ZNF485: variants seen among roughly 807,000 people sequenced by gnomAD.
The protein encoded by ZNF485 is zinc finger protein 485.
ZNF485 carries 9 observed loss-of-function variants against 10.8 expected under a neutral mutation model. The observed-to-expected ratio is 0.83, with a 90% CI of 0.50 to 1.45. The LOEUF (loss-of-function observed/expected upper bound fraction) is 1.45, where lower values mean the gene tolerates loss of function less well. Ranked by LOEUF, ZNF485 falls within the 40% of genes most tolerant of loss-of-function variation. The probability of loss-of-function intolerance (pLI) is 0.00; values close to 1 mark genes in which losing one functional copy is unlikely to be tolerated. For missense variants in ZNF485, 487 were observed against 528.0 expected, an observed-to-expected ratio of 0.92 and a Z score of 0.76; for synonymous variants, 187 against 181.0, an observed-to-expected ratio of 1.03 and a Z score of -0.27.
At chr10:43,615,096 G>GA (rs1398363243) in intron 4 of ZNF485, among the ~76,000 whole-genome samples, 1 of 152,136 alleles carries the variant, frequency 6.6e-6, no homozygotes, top group African/African-American at 2.4e-5. Context: ...ACATTTCCTT[G>GA]AAAAAATAAG....
chr10:43,612,749 C>G (rs1838788850), intron 4 of ZNF485, among the ~76,000 whole-genome samples: 1 of 152,026 alleles, frequency 6.6e-6, no homozygotes, highest in African/African-American at 2.4e-5. Context: ...TTTCCTATTT[C>G]CCCTTTATTA....
chr10:43,607,110 T>C, intron 2 of ZNF485, 36 bp downstream of exon 2: 1 of 1,550,728 alleles, frequency 6.4e-7, no homozygotes, highest in South Asian at 1.2e-5. Context: ...AGAAACCACG[T>C]GTTTCAGCGA....
Position 43,617,004 on chromosome 10 carries a change from A to T in ZNF485, c.961A>T (p.Thr321Ser), listed in dbSNP as rs764283982. The change falls in exon 5 of 5, where the codon ACT (threonine) becomes TCT (serine). Residue 321 changes from threonine to serine, a missense_variant. Transcript: ENST00000361807. ...STLISHQRMH[T>S]GEKPYHCSKC... ...TCTTATTAGTCACCAAAGAATGCAT[A>T]CTGGGGAGAAACCCTATCACTGCAG... is the stretch of plus-strand genomic sequence containing the variant. 6.2e-7 allele frequency: 1 copy of T among 1,614,028 alleles called. No homozygotes were observed. Among genetic ancestry groups the T allele is most frequent in the Non-Finnish European group, 8.5e-7 (1 of 1,180,044 alleles).
At position 43,616,403 on chromosome 10, in the gene ZNF485, G is replaced by A. The variant is rs540663284; in HGVS notation, c.360G>A (p.Trp120Ter). The A allele has an allele frequency of 6.2e-7, 1 of 1,614,178 alleles. No individual in the cohort carries two copies. Among genetic ancestry groups the A allele is most frequent in the African/African-American group, 1.3e-5 (1 of 75,052 alleles). ...TCATGATGGAAAAAGGCCTGGACTG[G>A]GAGGGCAGAAGCTCCACAGAGAAGA... ...KSVMMEKGLD[W>*]EGRSSTEKNY... Residue 120 changes from tryptophan (W) to a stop codon, truncating the protein, a stop_gained, in exon 5 of 5, where the codon TGG (tryptophan) becomes TGA (stop). Coordinates refer to ENST00000361807, the MANE Select transcript of ZNF485 (RefSeq NM_145312.4). LOFTEE classifies it low-confidence loss of function (END_TRUNC).
At position 43,608,865 on chromosome 10, in the gene ZNF485, G is replaced by A. The variant is rs937972030; in HGVS notation, c.151+125G>A. 19 of 1,343,524 alleles carry A rather than the reference G, an allele frequency of 1.4e-5. No homozygotes were observed. In the South Asian group the frequency reaches 2.5e-4, roughly 17 times the overall value. 83.2% of individuals were successfully genotyped at this position (1,343,524 alleles called of 1,614,324 possible). A position where few individuals can be genotyped will look rare whatever the true frequency, so the allele number is the denominator to read the frequency against. The stretch of plus-strand genomic sequence containing the variant: ...GTGCTTTTTGTTTTGTTTTTCTTAA[G>A]TATGGGCTTAGAGGCTGGAGTTTAT... On this transcript the variant is annotated intron_variant, in intron 3 of 4. Coordinates refer to ENST00000361807, the MANE Select transcript of ZNF485 (RefSeq NM_145312.4).
intron 4 of ZNF485, among the ~76,000 whole-genome samples, chr10:43,615,036 G>A (rs2132353053): frequency 6.6e-6 from 1 of 152,212 alleles, no homozygotes; most frequent in Non-Finnish European, 1.5e-5. Context: ...TCCCATCAAA[G>A]GCCATTGGAA....
In ZNF485 at chr10:43,609,242, T is replaced by C. The variant is rs548404938; in HGVS notation, c.152-13T>C. The stretch of plus-strand genomic sequence containing the variant: ...TTTTTTCTTCCTCTAAGATCCTTTT[T>C]CTTTATGAACAGGGCTTCTCTCTTC... On this transcript the variant is annotated splice_polypyrimidine_tract_variant and intron_variant, in intron 3 of 4. Transcript: ENST00000361807. The C allele has an allele frequency of 2.5e-6, 4 of 1,604,260 alleles. No homozygotes were observed. The highest frequency in any genetic ancestry group is 3.4e-6 in the Non-Finnish European group (4 of 1,174,888).
chr10:43,616,982 T>TA lies in ZNF485; in HGVS notation c.940dup (p.Ile314AsnfsTer2), dbSNP rs773495714. ...AAGCCTTTAGGAAGAGCTCAACTCT[T>TA]ATTAGTCACCAAAGAATGCATACTG... On this transcript the variant is annotated frameshift_variant, in exon 5 of 5. Coordinates refer to ENST00000361807, the MANE Select transcript of ZNF485 (RefSeq NM_145312.4). LOFTEE classifies it low-confidence loss of function (END_TRUNC). 1 of 1,614,142 alleles carries TA rather than the reference T, an allele frequency of 6.2e-7. No homozygotes were observed.
At chr10:43,610,516 C>A (rs1011747777) in intron 4 of ZNF485, among the ~76,000 whole-genome samples, 17 of 152,080 alleles carry the variant, frequency 1.1e-4, no homozygotes, top group Non-Finnish European at 1.9e-4. Flanking sequence ...CCCCTAAATT[C>A]TTGTGTAGAT....
In ZNF485 at chr10:43,606,467, T is replaced by C. The variant is rs1211085796; in HGVS notation, c.-134T>C. The C allele has an allele frequency of 7.5e-6, 3 of 401,196 alleles. No homozygotes were observed. Among genetic ancestry groups the C allele is most frequent in the Non-Finnish European group, 1.4e-5 (3 of 213,938 alleles). 24.9% of individuals were successfully genotyped at this position (401,196 alleles called of 1,614,324 possible). A position where few individuals can be genotyped will look rare whatever the true frequency, so the allele number is the denominator to read the frequency against. On this transcript the variant is annotated 5_prime_UTR_variant, in exon 1 of 5. Transcript: ENST00000361807. ...TGCGAGCGCTGCACCAGCCCCTGGCTGGTGGTTACTGTCCGAACGGCGTGG... is the reference window on the plus strand; with the variant it reads ...TGCGAGCGCTGCACCAGCCCCTGGCCGGTGGTTACTGTCCGAACGGCGTGG...
intron 4 of ZNF485, among the ~76,000 whole-genome samples, chr10:43,611,179 G>C (rs947604671): frequency 6.6e-6 from 1 of 151,910 alleles, no homozygotes; most frequent in Non-Finnish European, 1.5e-5. Flanking sequence ...GGGACCACAG[G>C]AGCATGCTAC....
chr10:43,615,527 G>A (rs1343617852), intron 4 of ZNF485, among the ~76,000 whole-genome samples: 5 of 151,236 alleles, frequency 3.3e-5, no homozygotes, highest in African/African-American at 1.2e-4. Context: ...TCAGCCTCCC[G>A]AGTAGCTGGG....
At position 43,617,012 on chromosome 10, in the gene ZNF485, G is replaced by C; in HGVS notation, c.969G>C (p.Glu323Asp). 6.2e-7 allele frequency: 1 copy of C among 1,614,194 alleles called. No homozygotes were observed. The highest frequency in any genetic ancestry group is 8.5e-7 in the Non-Finnish European group (1 of 1,180,050). The change falls in exon 5 of 5, where the codon GAG becomes GAC. Residue 323 changes from glutamate to aspartate, a missense_variant. Transcript: ENST00000361807. ...LISHQRMHTG[E>D]KPYHCSKCGK... ...GTCACCAAAGAATGCATACTGGGGA[G>C]AAACCCTATCACTGCAGTAAATGTG...
intron 4 of ZNF485, among the ~76,000 whole-genome samples, chr10:43,611,338 G>A (rs545983826): frequency 2.0e-4 from 30 of 152,196 alleles, no homozygotes; most frequent in African/African-American, 6.7e-4. Flanking sequence ...AAAGTACTGG[G>A]ATTACAGGCG....
chr10:43,617,001 C>T lies in ZNF485; in HGVS notation c.958C>T (p.His320Tyr), dbSNP rs760546309. The change falls in exon 5 of 5, where the codon CAT becomes TAT. Residue 320 changes from histidine (H) to tyrosine (Y), a missense_variant. His to Tyr is a moderately conservative substitution (Grantham distance 83). Transcript: ENST00000361807. ...SSTLISHQRM[H>Y]TGEKPYHCSK... Reference sequence around the variant, plus strand: ...AACTCTTATTAGTCACCAAAGAATGCATACTGGGGAGAAACCCTATCACTG... The same window carrying T: ...AACTCTTATTAGTCACCAAAGAATGTATACTGGGGAGAAACCCTATCACTG... The T allele has an allele frequency of 1.2e-6, 2 of 1,614,122 alleles. No individual in the cohort carries two copies. Among genetic ancestry groups the T allele is most frequent in the South Asian group, 2.2e-5 (2 of 91,082 alleles).
rs1838664897 is a variant in ZNF485, at chr10:43,607,126, G to A, written c.24+52G>A. 9.0e-6 allele frequency: 14 copies of A among 1,548,408 alleles called. No individual in the cohort carries two copies. The South Asian group carries it at 1.3e-4, about 14-fold the overall frequency. ...GAAACCACGTGTTTCAGCGAGGTGG[G>A]GTTTATGCCTCTTGCCCGGACAATG... On this transcript the variant is annotated intron_variant, in intron 2 of 4. Coordinates refer to ENST00000361807, the MANE Select transcript of ZNF485 (RefSeq NM_145312.4).
At chr10:43,613,604 T>A (rs1044184910) in intron 4 of ZNF485, among the ~76,000 whole-genome samples, 1 of 152,242 alleles carries the variant, frequency 6.6e-6, no homozygotes, top group African/African-American at 2.4e-5. Flanking sequence ...GTTTCTCTCT[T>A]ACATTCAGAT....
Position 43,617,341 on chromosome 10 carries a change from A to G in ZNF485, c.1298A>G (p.Asn433Ser). 2 of 1,560,976 alleles carry G rather than the reference A, an allele frequency of 1.3e-6. No homozygotes were observed. Among genetic ancestry groups the G allele is most frequent in the South Asian group, 1.2e-5 (1 of 81,376 alleles). The change falls in exon 5 of 5, where the codon AAT (asparagine) becomes AGT (serine). Residue 433 changes from asparagine (N) to serine (S), a missense_variant. By Grantham distance (46) the Asn-to-Ser change is conservative (BLOSUM62 1). Transcript: ENST00000361807. ...SALKQHKKIHNKERAMKCS is the reference protein window; with the variant it reads ...SALKQHKKIHSKERAMKCS Reference sequence around the variant, plus strand: ...CTTAAGCAACATAAGAAAATTCATAATAAAGAAAGAGCCATGAAATGTAGT... The same window carrying G: ...CTTAAGCAACATAAGAAAATTCATAGTAAAGAAAGAGCCATGAAATGTAGT...
intron 2 of ZNF485, chr10:43,607,284 C>G (rs972660036): frequency 1.1e-5 from 7 of 626,562 alleles, no homozygotes; most frequent in Non-Finnish European, 2.0e-5. Flanking sequence ...GTGCTAGAAA[C>G]AGAAAAGTGC....
Sources: gnomAD v4.1 joint callset for allele counts (sites outside exome capture counted in the v4.1 genomes callset) on GRCh38, gnomAD v4.1.1 for gene constraint, MANE v1.5 for transcripts, NCBI Gene and HGNC (gene_info 2026-07-23, HGNC 2026-07-21) for gene names.